Variants in KCNJ15 observed in about 807,000 individuals in gnomAD.
KCNJ15 encodes the protein ATP-sensitive inward rectifier potassium channel 15.
In KCNJ15, 14 loss-of-function variants were observed where a neutral mutation model predicts 23.0. That is an observed-to-expected ratio of 0.61 (90% CI 0.40 to 0.95). The LOEUF is 0.95. Among genes scored for constraint, KCNJ15 ranks in the 40% least tolerant of loss-of-function variants. The pLI is 0.00. For synonymous variants in KCNJ15, 185 were observed against 183.2 expected (o/e 1.01, Z -0.08); for missense variants, 388 against 461.8 (o/e 0.84, Z 1.46).
At chr21:38,252,125 T>C (rs1007970838), upstream of KCNJ15, among the ~76,000 whole-genome samples, 9 of 152,230 alleles carry the variant, frequency 5.9e-5, no homozygotes, top group Non-Finnish European at 1.2e-4. Context: ...CTAAACTCCA[T>C]GAGGCTAAGG....
chr21:38,290,642 A>G (rs937579347), intron 1 of KCNJ15, among the ~76,000 whole-genome samples: 7 of 152,002 alleles, frequency 4.6e-5, no homozygotes, highest in Non-Finnish European at 1.0e-4. Context: ...TACCCCAAGA[A>G]CTTCTGGTTA....
chr21:38,290,520 T>C lies in KCNJ15; in HGVS notation c.-116-6406T>C, dbSNP rs148404823. 2.0e-5 allele frequency among the ~76,000 whole-genome samples: 3 copies of C among 152,210 alleles called. No individual in the cohort carries two copies. The East Asian group carries it at 5.8e-4, about 30-fold the overall frequency. On this transcript the variant is annotated intron_variant, in intron 1 of 2. Transcript: ENST00000398938. ...GAACACTTTTTGCTTTTCTAATGTATAGTAGGGTGAGAGGAGCACCTCTCC... is the reference window on the plus strand; with the variant it reads ...GAACACTTTTTGCTTTTCTAATGTACAGTAGGGTGAGAGGAGCACCTCTCC...
chr21:38,233,961 G>A (rs1015907089), intron 1 of KCNJ15, among the ~76,000 whole-genome samples: 5 of 152,010 alleles, frequency 3.3e-5, no homozygotes, highest in African/African-American at 7.2e-5. Context: ...AGAGAAATAC[G>A]TATTTGTAGA....
chr21:38,231,781 T>C (rs1264627719), intron 1 of KCNJ15, among the ~76,000 whole-genome samples: 1 of 151,966 alleles, frequency 6.6e-6, no homozygotes, highest in African/African-American at 2.4e-5. Context: ...GTTTTTTGGA[T>C]GTTAGACCAG....
intron 1 of KCNJ15, among the ~76,000 whole-genome samples, chr21:38,291,049 G>C (rs923039207): frequency 6.7e-6 from 1 of 148,614 alleles, no homozygotes; most frequent in Non-Finnish European, 1.5e-5. Context: ...CAGTTAAGCA[G>C]GTTTTATAAC....
In KCNJ15 at chr21:38,293,960, C is replaced by T. The variant is rs115353368; in HGVS notation, c.-116-2966C>T. On this transcript the variant is annotated intron_variant, in intron 1 of 2. Coordinates refer to ENST00000398938, the MANE Select transcript of KCNJ15 (RefSeq NM_170736.3). Reference sequence around the variant, plus strand: ...CTTTAAAGCGGATCCTTCACTGCTGCGTAGTGTAGGGAGGAAAATGGCCCA... The same window carrying T: ...CTTTAAAGCGGATCCTTCACTGCTGTGTAGTGTAGGGAGGAAAATGGCCCA... 7.9e-3 allele frequency among the ~76,000 whole-genome samples: 1,198 copies of T among 152,292 alleles called. 18 individuals are homozygous for T. Among genetic ancestry groups the T allele is most frequent in the African/African-American group, 0.027 (1,116 of 41,552 alleles).
Position 38,306,903 on chromosome 21 carries a change from A to T in KCNJ15, c.*6514A>T, listed in dbSNP as rs568543889. The T allele has an allele frequency of 6.6e-6, 1 of 152,364 alleles. No individual in the cohort carries two copies. The highest frequency in any genetic ancestry group is 6.5e-5 in the Admixed American group (1 of 15,302). The allele number at this position is 152,364 out of a possible 1,614,324, so 9.4% of individuals were successfully genotyped here. Reference sequence around the variant, plus strand: ...ATCCCAAATGACATGTAGATTTTATATGCAAACAATCCCACTGCTTGTAAC... The same window carrying T: ...ATCCCAAATGACATGTAGATTTTATTTGCAAACAATCCCACTGCTTGTAAC... On this transcript the variant is annotated 3_prime_UTR_variant, in exon 3 of 3. Coordinates refer to ENST00000398938, the MANE Select transcript of KCNJ15 (RefSeq NM_170736.3).
At chr21:38,238,046 G>C (rs1978734650) in intron 1 of KCNJ15, 1 of 259,886 alleles carries the variant, frequency 3.8e-6, no homozygotes, top group African/African-American at 2.2e-5. Flanking sequence ...CCCACCGTAG[G>C]ATACTGTTAA....
intron 1 of KCNJ15, among the ~76,000 whole-genome samples, chr21:38,288,018 GTTTTTTTCTTTGTT>G (rs1984102366): frequency 3.8e-5 from 1 of 26,018 alleles, no homozygotes; most frequent in Non-Finnish European, 1.0e-4. Context: ...TAAATAACTT[GTTTTTTTCTTTGTT>G]TTTTTTTTTT....
In KCNJ15 at chr21:38,238,686, C is replaced by T. The variant is rs1476300678; in HGVS notation, c.-398-18360C>T. 1.0e-5 allele frequency: 5 copies of T among 477,648 alleles called. No individual in the cohort carries two copies. In the Admixed American group the frequency reaches 1.5e-4, roughly 14 times the overall value. 29.6% of individuals were successfully genotyped at this position (477,648 alleles called of 1,614,324 possible). On this transcript the variant is annotated intron_variant, in intron 1 of 4. Transcript: ENST00000547341. Reference sequence around the variant, plus strand: ...GCTCTGGAGACTGTAATGTTTTAAACTCTAGGAGGAATGTCCTCTGAAAGA... The same window carrying T: ...GCTCTGGAGACTGTAATGTTTTAAATTCTAGGAGGAATGTCCTCTGAAAGA...
chr21:38,287,171 A>C (rs1983998321), intron 1 of KCNJ15, among the ~76,000 whole-genome samples: 1 of 152,252 alleles, frequency 6.6e-6, no homozygotes, highest in Non-Finnish European at 1.5e-5. Context: ...ATAAAATGTT[A>C]AGAGCCCCTG....
At chr21:38,278,368 C>G (rs1392436585) in intron 1 of KCNJ15, among the ~76,000 whole-genome samples, 1 of 152,106 alleles carries the variant, frequency 6.6e-6, no homozygotes, top group African/African-American at 2.4e-5. Flanking sequence ...TTGTGTGACC[C>G]TAGGCAAATG....
rs1405951384 is a variant in KCNJ15, at chr21:38,288,026, CTTTGTTTTTTTTTTTTTTTTT to C, written c.-116-8896_-116-8876del. Among the ~76,000 whole-genome samples the C allele has an allele frequency of 3.8e-5, 3 of 78,206 alleles. 1 individual carries two copies. Among genetic ancestry groups the C allele is most frequent in the South Asian group, 1.0e-3 (2 of 1,984 alleles). 51.3% of individuals were successfully genotyped at this position (78,206 alleles called of 152,430 possible). ...CCATTGTTAAATAACTTGTTTTTTT[CTTTGTTTTTTTTTTTTTTTTT>C]TTTTTTTTTTTGAGATGGAGTCTCA... On this transcript the variant is annotated intron_variant, in intron 1 of 2. Transcript: ENST00000398938.
At chr21:38,277,893 T>C (rs1033684114) in intron 1 of KCNJ15, among the ~76,000 whole-genome samples, 2 of 152,224 alleles carry the variant, frequency 1.3e-5, no homozygotes, top group African/African-American at 4.8e-5. Flanking sequence ...TTTATAGTCA[T>C]GAGTCATTAA....
At chr21:38,231,836 T>C (rs1988755674) in intron 1 of KCNJ15, among the ~76,000 whole-genome samples, 1 of 151,934 alleles carries the variant, frequency 6.6e-6, no homozygotes, top group South Asian at 2.1e-4. Flanking sequence ...AGTGAGTGTG[T>C]AATCCTTTTT....
chr21:38,231,296 G>T (rs887985865), intron 1 of KCNJ15, among the ~76,000 whole-genome samples: 2 of 151,808 alleles, frequency 1.3e-5, no homozygotes, highest in African/African-American at 4.8e-5. Context: ...TATTTATCTT[G>T]TATAATGCAA....
At chr21:38,279,815 CTT>C (rs1167690157) in intron 1 of KCNJ15, among the ~76,000 whole-genome samples, 1 of 152,322 alleles carries the variant, frequency 6.6e-6, no homozygotes, top group East Asian at 1.9e-4. Flanking sequence ...ATTTTGATCT[CTT>C]TAACTCCATG....
intron 1 of KCNJ15, among the ~76,000 whole-genome samples, chr21:38,249,539 C>G (rs1292795071): frequency 6.6e-6 from 1 of 152,178 alleles, no homozygotes; most frequent in Non-Finnish European, 1.5e-5. Context: ...GGAATAAATG[C>G]ATGGAGGTGA....
At chr21:38,233,805 C>G (rs1978425994) in intron 1 of KCNJ15, among the ~76,000 whole-genome samples, 1 of 152,028 alleles carries the variant, frequency 6.6e-6, no homozygotes, top group South Asian at 2.1e-4. Context: ...ACACTTTACT[C>G]TTACATAGCT....
Sources: gnomAD v4.1 joint callset for allele counts (sites outside exome capture counted in the v4.1 genomes callset) on GRCh38, gnomAD v4.1.1 for gene constraint, MANE v1.5 for transcripts, NCBI Gene and HGNC (gene_info 2026-07-23, HGNC 2026-07-21) for gene names.